The following RXRA variants were observed in gnomAD, a reference collection of about 807,000 sequenced individuals.
RXRA encodes the protein retinoid X receptor alpha, also known as retinoic acid receptor RXR-alpha.
A neutral mutation model predicts 44.5 loss-of-function variants in RXRA; 5 were observed. The ratio of observed to expected loss-of-function variants is 0.11; its 90% CI spans 0.06 to 0.24. RXRA has a LOEUF of 0.24. RXRA is among the 10% of genes least tolerant of loss of function. RXRA has a pLI of 1.00. For missense variants in RXRA, 412 were observed against 646.5 expected, an observed-to-expected ratio of 0.64 and a Z score of 3.93; for synonymous variants, 291 against 271.4, an observed-to-expected ratio of 1.07 and a Z score of -0.71.
At position 134,401,786 on chromosome 9, in the gene RXRA, G is replaced by A. The variant is rs759150362; in HGVS notation, c.183G>A (p.Met61Ile). 3 of 1,613,180 alleles carry A rather than the reference G, an allele frequency of 1.9e-6. No individual in the cohort carries two copies. In the Admixed American group the frequency reaches 5.0e-5, roughly 27 times the overall value. ...ISTLSSPING[M>I]GPPFSVISSP... ...CCCTGAGCTCCCCCATCAACGGCATGGGCCCGCCTTTCTCGGTCATCAGCT... is the reference window on the plus strand; with the variant it reads ...CCCTGAGCTCCCCCATCAACGGCATAGGCCCGCCTTTCTCGGTCATCAGCT... The change falls in exon 2 of 10, where the codon ATG becomes ATA. Residue 61 changes from methionine to isoleucine, a missense_variant. Physicochemically the swap from Met to Ile is conservative, Grantham distance 10. Around this residue, in one of 4 missense-constraint regions of RXRA, gnomAD observed 156 missense variants for 177.2 expected, o/e 0.88. Transcript: ENST00000481739.
rs556693054 is a variant in RXRA, at chr9:134,401,801, G to C, written c.198G>C (p.Ser66=). 10 of 1,612,872 alleles carry C rather than the reference G, an allele frequency of 6.2e-6. No homozygotes were observed. In the Admixed American group the frequency reaches 1.7e-4, roughly 27 times the overall value. Residue 66 remains serine, a synonymous_variant, in exon 2 of 10, where the codon TCG becomes TCC. Transcript: ENST00000481739. ...TCAACGGCATGGGCCCGCCTTTCTC[G>C]GTCATCAGCTCCCCCATGGGCCCCC... is the stretch of plus-strand genomic sequence containing the variant. ...SPINGMGPPF[S]VISSPMGPHS... is the part of the protein sequence containing the mutation.
intron 4 of RXRA, among the ~76,000 whole-genome samples, chr9:134,412,785 C>T (rs772715325): frequency 5.3e-5 from 8 of 152,220 alleles, no homozygotes; most frequent in Admixed American, 1.3e-4. Context: ...GTTCCCAGTC[C>T]GATGGAAAAG....
rs893641937 is a variant in RXRA, at chr9:134,427,238, C to T, written c.911-1870C>T. On this transcript the variant is annotated intron_variant, in intron 6 of 9. Transcript: ENST00000481739. The stretch of plus-strand genomic sequence containing the variant: ...CTGGGCAGTGTGGAAGCTGTTTTCG[C>T]GGCTGGCTCGGCTGAGCCCTGGGAT... 81 of 878,012 alleles carry T rather than the reference C, an allele frequency of 9.2e-5. 1 individual carries two copies. In the East Asian group the frequency reaches 1.3e-3, roughly 14 times the overall value. 54.4% of individuals were successfully genotyped at this position (878,012 alleles called of 1,614,324 possible).
intron 1 of RXRA, among the ~76,000 whole-genome samples, chr9:134,354,088 A>T (rs1564266832): frequency 6.6e-6 from 1 of 152,172 alleles, no homozygotes; most frequent in Non-Finnish European, 1.5e-5. Context: ...ATGCCTGGGA[A>T]AGCCTAGAGG....
At chr9:134,425,032 G>C in intron 6 of RXRA, 1 of 985,460 alleles carries the variant, frequency 1.0e-6, no homozygotes, top group Non-Finnish European at 1.2e-6. Context: ...TGGGTGCCCA[G>C]ACCTGCAATT....
At chr9:134,357,984 C>G (rs1182553761) in intron 1 of RXRA, among the ~76,000 whole-genome samples, 1 of 152,180 alleles carries the variant, frequency 6.6e-6, no homozygotes, top group Non-Finnish European at 1.5e-5. Flanking sequence ...GGGGTGCCCC[C>G]ACAGAACACG....
rs1004020448 is a variant in RXRA at position 134,349,943 on chromosome 9, G to A, written c.28+23284G>A. 2.6e-5 allele frequency among the ~76,000 whole-genome samples: 4 copies of A among 152,064 alleles called. No individual in the cohort carries two copies. Among genetic ancestry groups the A allele is most frequent in the African/African-American group, 7.3e-5 (3 of 41,352 alleles). ...TTGGGTCAGCTCCTGGCTGCAGCTG[G>A]TGTCTGGAGGTCCCCAGGCACTGCT... On this transcript the variant is annotated intron_variant, in intron 1 of 9. Transcript: ENST00000481739. This position sits in a 1 kb window ranked among gnomAD's most constrained non-coding sequence, Gnocchi z 4.3.
intron 1 of RXRA, among the ~76,000 whole-genome samples, chr9:134,368,363 C>T (rs1830440031): frequency 6.6e-6 from 1 of 152,244 alleles, no homozygotes; most frequent in Admixed American, 6.5e-5. Context: ...CCTTGCCACC[C>T]ACTCCCCTGG....
At chr9:134,347,999 T>G (rs1159539276) in intron 1 of RXRA, among the ~76,000 whole-genome samples, 2 of 152,014 alleles carry the variant, frequency 1.3e-5, no homozygotes, top group Non-Finnish European at 2.9e-5. Context: ...GAGGTGGTCA[T>G]GGCCATGGCT....
chr9:134,353,465 G>A (rs563459911), intron 1 of RXRA, among the ~76,000 whole-genome samples: 1 of 152,192 alleles, frequency 6.6e-6, no homozygotes, highest in African/African-American at 2.4e-5. Flanking sequence ...CTGGTGTCCC[G>A]TCATGTGGCC....
rs763562122 is a variant in RXRA at position 134,401,890 on chromosome 9, CGGGGCT to C, written c.279+14_279+19del. ...AGCACTGGCAGCCCCCAGGTGAGTGCGGGGCTGGGGCAAGGGGAGGGGGTGGGGCCT... is the reference window on the plus strand; with the variant it reads ...AGCACTGGCAGCCCCCAGGTGAGTGCGGGGCAAGGGGAGGGGGTGGGGCCT... On this transcript the variant is annotated intron_variant, in intron 2 of 9. Transcript: ENST00000481739. 2 of 1,517,512 alleles carry C rather than the reference CGGGGCT, an allele frequency of 1.3e-6. No individual in the cohort carries two copies. The highest frequency in any genetic ancestry group is 2.7e-5 in the African/African-American group (2 of 73,520). 94.0% of individuals were successfully genotyped at this position (1,517,512 alleles called of 1,614,324 possible).
chr9:134,434,502 G>A (rs906049099), intron 9 of RXRA, among the ~76,000 whole-genome samples: 17 of 152,252 alleles, frequency 1.1e-4, no homozygotes, highest in African/African-American at 3.6e-4. Context: ...CCCCCACTGC[G>A]CTCCCCTACC....
chr9:134,429,940 C>T (rs559209125), intron 7 of RXRA, among the ~76,000 whole-genome samples: 6 of 152,166 alleles, frequency 3.9e-5, no homozygotes, highest in Non-Finnish European at 8.8e-5. Flanking sequence ...GGCTAGATTG[C>T]AGTGGTGCAA....
At chr9:134,392,442 T>C (rs1830814291) in intron 1 of RXRA, among the ~76,000 whole-genome samples, 1 of 152,186 alleles carries the variant, frequency 6.6e-6, no homozygotes, top group Non-Finnish European at 1.5e-5. Context: ...TGGGTGGCCC[T>C]GAGCCCACCT....
chr9:134,406,570 A>C (rs1831053806), intron 2 of RXRA, among the ~76,000 whole-genome samples: 1 of 152,192 alleles, frequency 6.6e-6, no homozygotes, highest in Non-Finnish European at 1.5e-5. Context: ...AGTGCCTCCA[A>C]GCGAGACAGC....
chr9:134,341,938 A>G (rs887599821), intron 1 of RXRA, among the ~76,000 whole-genome samples: 4 of 152,106 alleles, frequency 2.6e-5, no homozygotes, highest in Non-Finnish European at 5.9e-5. Context: ...GGCTCTGCCC[A>G]CTACTGGCCT....
intron 1 of RXRA, among the ~76,000 whole-genome samples, chr9:134,335,650 C>G (rs571106348): frequency 1.3e-5 from 2 of 152,144 alleles, no homozygotes; most frequent in East Asian, 1.9e-4. Flanking sequence ...GGGAGGAGCT[C>G]AGGCTAGGGG....
chr9:134,326,587 C>CGCCCGCT lies in RXRA; in HGVS notation c.-41_-35dup. 4.7e-6 allele frequency: 4 copies of CGCCCGCT among 858,426 alleles called. No homozygotes were observed. Among genetic ancestry groups the CGCCCGCT allele is most frequent in the Non-Finnish European group, 5.6e-6 (4 of 719,186 alleles). 53.2% of individuals were successfully genotyped at this position (858,426 alleles called of 1,614,324 possible). A position where few individuals can be genotyped will look rare whatever the true frequency, so the allele number is the denominator to read the frequency against. ...CCGCGCCGGGGGCCGCCGCGCCCGCCGCCCGCTGCCTGCGCCGCCGGCCGG... is the reference window on the plus strand; with the variant it reads ...CCGCGCCGGGGGCCGCCGCGCCCGCCGCCCGCTGCCCGCTGCCTGCGCCGCCGGCCGG... On this transcript the variant is annotated 5_prime_UTR_variant, in exon 1 of 10. Coordinates refer to ENST00000481739, the MANE Select transcript of RXRA (RefSeq NM_002957.6).
intron 6 of RXRA, among the ~76,000 whole-genome samples, 177 bp from the exon 7 acceptor site, chr9:134,428,931 A>G (rs1238200943): frequency 1.3e-5 from 2 of 152,214 alleles, no homozygotes; most frequent in African/African-American, 4.8e-5. Context: ...TGTGTACTGT[A>G]GAACGGGCAT....
Sources: allele counts gnomAD v4.1 joint callset (sites outside exome capture counted in the v4.1 genomes callset), GRCh38; gene constraint gnomAD v4.1.1; regional missense constraint gnomAD v4.1.1; non-coding constraint Gnocchi (gnomAD v3.1); transcripts MANE v1.5; gene names NCBI Gene and HGNC (gene_info 2026-07-23, HGNC 2026-07-21).